The following PPP2R3A variants were observed in gnomAD, a reference collection of about 807,000 sequenced individuals.
PPP2R3A encodes serine/threonine-protein phosphatase 2A regulatory subunit B'' subunit alpha.
A neutral mutation model predicts 106.9 loss-of-function variants in PPP2R3A; 80 were observed. That is an observed-to-expected ratio of 0.75 (90% CI 0.62 to 0.90). PPP2R3A has a LOEUF of 0.90. Ranked by LOEUF, PPP2R3A falls within the 40% of genes least tolerant of loss-of-function variation. PPP2R3A has a pLI of 0.00. For synonymous variants in PPP2R3A, 483 were observed against 468.3 expected, an observed-to-expected ratio of 1.03 and a Z score of -0.41; for missense variants, 1,386 against 1,350.4, an observed-to-expected ratio of 1.03 and a Z score of -0.41.
At chr3:136,071,914 C>T (rs973483564) in intron 6 of PPP2R3A, among the ~76,000 whole-genome samples, 2 of 152,132 alleles carry the variant, frequency 1.3e-5, no homozygotes, top group African/African-American at 4.8e-5. Context: ...TCCACATTGT[C>T]ACTCCCTCAC....
intron 1 of PPP2R3A, among the ~76,000 whole-genome samples, chr3:135,988,267 A>AC (rs1322282211): frequency 6.6e-6 from 1 of 151,414 alleles, no homozygotes; most frequent in African/African-American, 2.4e-5. Context: ...AAAAAAAAAA[A>AC]CAGTTTTTTT....
At chr3:136,078,617 AG>A (rs200538842) in intron 7 of PPP2R3A, among the ~76,000 whole-genome samples, 164 bp downstream of exon 7, 179 of 151,458 alleles carry the variant, frequency 1.2e-3, no homozygotes, top group East Asian at 2.7e-3. Flanking sequence ...GTTTTGGGTG[AG>A]GGGGTAAAAA....
chr3:136,033,515 T>G (rs959629503), intron 3 of PPP2R3A, among the ~76,000 whole-genome samples: 1 of 152,212 alleles, frequency 6.6e-6, no homozygotes, highest in Non-Finnish European at 1.5e-5. Flanking sequence ...CCGTCTGTCC[T>G]TGACTTTTTT....
chr3:136,119,243 C>T (rs1937898826), intron 13 of PPP2R3A, among the ~76,000 whole-genome samples: 2 of 152,094 alleles, frequency 1.3e-5, no homozygotes, highest in South Asian at 4.1e-4. Flanking sequence ...AAGACTTAAA[C>T]GTAAGACCTA....
intron 10 of PPP2R3A, among the ~76,000 whole-genome samples, chr3:136,090,973 T>C (rs1442837729): frequency 6.6e-6 from 1 of 152,242 alleles, no homozygotes; most frequent in Admixed American, 6.5e-5. Context: ...TTACTTGTTT[T>C]ATCATCTTAC....
At chr3:136,132,159 A>T (rs757202192) in intron 13 of PPP2R3A, among the ~76,000 whole-genome samples, 1 of 151,894 alleles carries the variant, frequency 6.6e-6, no homozygotes, top group Non-Finnish European at 1.5e-5. Context: ...AACTTTAAGT[A>T]TAATAAAAAA....
chr3:136,144,135 G>T (rs114363544), intron 13 of PPP2R3A, among the ~76,000 whole-genome samples: 1 of 152,202 alleles, frequency 6.6e-6, no homozygotes, highest in Non-Finnish European at 1.5e-5. Flanking sequence ...AACCTTAGGG[G>T]TAGCCTGGAG....
intron 4 of PPP2R3A, among the ~76,000 whole-genome samples, chr3:136,044,229 A>G (rs1344157282): frequency 6.6e-6 from 1 of 152,224 alleles, no homozygotes; most frequent in Non-Finnish European, 1.5e-5. Context: ...AATAAGTATA[A>G]AAATCATAGT....
chr3:136,061,926 C>CAA (rs369373163), intron 5 of PPP2R3A, among the ~76,000 whole-genome samples: 20,612 of 83,258 alleles, frequency 0.25, 2,309 homozygotes, highest in Non-Finnish European at 0.32. Context: ...GACTCTATCT[C>CAA]AAAAAAAAAA....
intron 1 of PPP2R3A, among the ~76,000 whole-genome samples, chr3:135,971,256 C>G (rs1421235054): frequency 6.6e-6 from 1 of 152,104 alleles, no homozygotes; most frequent in African/African-American, 2.4e-5. Context: ...GATGTAGGCC[C>G]TCATTGAGCT....
chr3:136,083,020 C>G (rs1936828716), intron 8 of PPP2R3A, among the ~76,000 whole-genome samples: 1 of 152,010 alleles, frequency 6.6e-6, no homozygotes, highest in Admixed American at 6.6e-5. Context: ...GATTTAATAT[C>G]CTTGGTTTTT....
rs116195334 is a variant in PPP2R3A, at chr3:135,999,468, A to G, written c.-440-1591A>G. On this transcript the variant is annotated intron_variant, in intron 1 of 13. Transcript: ENST00000264977. ...ATTCCATCTAGTTAACTGGGCATCA[A>G]TTGAATTATGGTCTGAATAAAAAGG... Among the ~76,000 whole-genome samples, 599 of 152,324 alleles carry G rather than the reference A, an allele frequency of 3.9e-3. 9 individuals carry two copies. Among genetic ancestry groups the G allele is most frequent in the Admixed American group, 7.9e-3 (121 of 15,296 alleles).
At chr3:136,058,044 A>G (rs918979524) in intron 5 of PPP2R3A, among the ~76,000 whole-genome samples, 2 of 152,200 alleles carry the variant, frequency 1.3e-5, no homozygotes, top group Non-Finnish European at 2.9e-5. Context: ...TACAGAATCA[A>G]CCTAAGTATC....
At chr3:136,006,374 C>CTTGTCTTTTT (rs1933844435) in intron 2 of PPP2R3A, among the ~76,000 whole-genome samples, 1 of 152,132 alleles carries the variant, frequency 6.6e-6, no homozygotes, top group South Asian at 2.1e-4. Flanking sequence ...TGCCTTCCTA[C>CTTGTCTTTTT]TTGTCTTTTT....
At chr3:136,023,699 A>G (rs116032780) in intron 2 of PPP2R3A, among the ~76,000 whole-genome samples, 4,841 of 152,210 alleles carry the variant, frequency 0.032, 266 homozygotes, top group African/African-American at 0.11. Flanking sequence ...ATTTGTCTAT[A>G]TAGACAATTG....
intron 1 of PPP2R3A, among the ~76,000 whole-genome samples, chr3:135,966,381 G>A (rs1479886942): frequency 1.3e-5 from 2 of 152,176 alleles, no homozygotes; most frequent in Non-Finnish European, 2.9e-5. Context: ...GCCGCGGACG[G>A]GATTCCCGGC....
chr3:135,968,005 G>T (rs192244635), intron 1 of PPP2R3A, among the ~76,000 whole-genome samples: 9 of 152,290 alleles, frequency 5.9e-5, no homozygotes, highest in African/African-American at 2.2e-4. Flanking sequence ...CCCCCAGGAG[G>T]ACCAAAATCA....
intron 10 of PPP2R3A, 71 bp downstream of exon 10, chr3:136,090,738 A>G: frequency 1.6e-6 from 2 of 1,288,658 alleles, no homozygotes; most frequent in Non-Finnish European, 2.2e-6. Flanking sequence ...CATGGTGTAT[A>G]TTATACCTAG....
chr3:136,053,932 G>C (rs1935768966), intron 5 of PPP2R3A, among the ~76,000 whole-genome samples: 1 of 151,876 alleles, frequency 6.6e-6, no homozygotes, highest in South Asian at 2.1e-4. Flanking sequence ...GGTATATGAG[G>C]AAAATGATCA....
Sources: gnomAD v4.1 joint callset for allele counts (sites outside exome capture counted in the v4.1 genomes callset) on GRCh38, gnomAD v4.1.1 for gene constraint, MANE v1.5 for transcripts, NCBI Gene and HGNC (gene_info 2026-07-23, HGNC 2026-07-21) for gene names.